SPAG9: variants seen among roughly 807,000 people sequenced by gnomAD.
SPAG9 encodes the protein C-Jun-amino-terminal kinase-interacting protein 4.
SPAG9 carries 35 observed loss-of-function variants against 166.5 expected under a neutral mutation model. The observed-to-expected ratio is 0.21, with a 90% CI of 0.16 to 0.28. The LOEUF is 0.28. Among genes scored for constraint, SPAG9 ranks in the 10% least tolerant of loss-of-function variants. The pLI, the probability that SPAG9 is intolerant of heterozygous loss-of-function variation, is 1.00. For synonymous variants in SPAG9, 534 were observed against 565.5 expected (o/e 0.94, Z 0.79); for missense variants, 1,235 against 1,603.3 (o/e 0.77, Z 3.92).
At chr17:50,986,235 G>T (rs565958037) in intron 22 of SPAG9, among the ~76,000 whole-genome samples, 65 of 152,260 alleles carry the variant, frequency 4.3e-4, no homozygotes, top group African/African-American at 1.2e-3. Flanking sequence ...AGTGTGTGTG[G>T]GGGGGAAATC....
intron 24 of SPAG9, 62 bp downstream of exon 24, chr17:50,984,861 A>G (rs1298604325): frequency 1.6e-6 from 2 of 1,254,474 alleles, no homozygotes; most frequent in African/African-American, 1.5e-5. Flanking sequence ...AAACCAATCT[A>G]CTTAAAAATG....
intron 18 of SPAG9, 33 bp from the exon 19 acceptor site, chr17:50,993,968 C>A (rs1360223160): frequency 1.3e-6 from 2 of 1,577,706 alleles, no homozygotes; most frequent in African/African-American, 2.7e-5. Context: ...ATGTTTAAAA[C>A]AATATGTATG....
At chr17:51,055,210 G>A (rs913023588) in intron 3 of SPAG9, among the ~76,000 whole-genome samples, 3 of 152,080 alleles carry the variant, frequency 2.0e-5, no homozygotes, top group African/African-American at 4.8e-5. Context: ...AAAGTTAGCC[G>A]GGTATGGTGG....
chr17:50,994,488 C>T (rs907115612), intron 18 of SPAG9, among the ~76,000 whole-genome samples: 33 of 152,104 alleles, frequency 2.2e-4, no homozygotes, highest in Non-Finnish European at 1.2e-4. Flanking sequence ...CAGTGGCTCA[C>T]GTCTGTAATC....
rs75188155 is a variant in SPAG9, at chr17:51,056,367, C to A, written c.495+45G>T. The stretch of plus-strand genomic sequence containing the variant: ...AAGACATATTTTCTAAGGTTCATTT[C>A]TTTGTCTCAATAATAGCATGGTAAT... On this transcript the variant is annotated intron_variant, in intron 3 of 29. Coordinates refer to ENST00000262013, the MANE Select transcript of SPAG9 (RefSeq NM_001130528.3). 2,188 of 1,094,076 alleles carry A rather than the reference C, an allele frequency of 2.0e-3. 21 individuals carry two copies. The African/African-American group carries it at 0.031, about 16-fold the overall frequency. 67.8% of individuals were successfully genotyped at this position (1,094,076 alleles called of 1,614,324 possible). A position where few individuals can be genotyped will look rare whatever the true frequency, so the allele number is the denominator to read the frequency against.
chr17:51,082,679 A>G (rs781624399), intron 1 of SPAG9, among the ~76,000 whole-genome samples: 5 of 152,234 alleles, frequency 3.3e-5, no homozygotes, highest in Non-Finnish European at 5.9e-5. Context: ...AAACCCTTAT[A>G]GAAAAATTTA....
intron 28 of SPAG9, among the ~76,000 whole-genome samples, chr17:50,974,046 G>A (rs543480591): frequency 5.3e-5 from 8 of 152,202 alleles, no homozygotes; most frequent in African/African-American, 1.7e-4. Context: ...TCTGAACTTC[G>A]TCTAGCTCCT....
At position 50,981,511 on chromosome 17, in the gene SPAG9, TAGATAGATAGATAGATAGA is replaced by T. The variant is rs1221122164; in HGVS notation, c.3237+994_3237+1012del. 7.7e-3 allele frequency among the ~76,000 whole-genome samples: 1,158 copies of T among 150,608 alleles called. 5 individuals carry two copies. Among genetic ancestry groups the T allele is most frequent in the Non-Finnish European group, 0.013 (877 of 67,716 alleles). ...ATAGATAGATAGATAGATAGATAGA[TAGATAGATAGATAGATAGA>T]AAGAAAGAAAGAAAGAATAGATAGA... On this transcript the variant is annotated intron_variant, in intron 25 of 29. Coordinates refer to ENST00000262013, the MANE Select transcript of SPAG9 (RefSeq NM_001130528.3).
Position 51,014,278 on chromosome 17 carries a change from A to G in SPAG9, c.1167T>C (p.Ala389=), listed in dbSNP as rs1417097998. ...TESLFEELSS[A]GSGLIGDVDE... Reference sequence around the variant, plus strand: ...CCACATCTCCTATTAGGCCTGAGCCAGCTGAAGACAGTTCTTCAAAGAGAG... The same window carrying G: ...CCACATCTCCTATTAGGCCTGAGCCGGCTGAAGACAGTTCTTCAAAGAGAG... Residue 389 remains alanine (A), a synonymous_variant, in exon 9 of 30, where the codon GCT becomes GCC. Coordinates refer to ENST00000262013, the MANE Select transcript of SPAG9 (RefSeq NM_001130528.3). The G allele has an allele frequency of 6.2e-7, 1 of 1,613,416 alleles. No homozygotes were observed. The highest frequency in any genetic ancestry group is 2.2e-5 in the East Asian group (1 of 44,864).
chr17:51,087,894 C>G (rs1439202530), intron 1 of SPAG9, among the ~76,000 whole-genome samples: 6 of 152,022 alleles, frequency 3.9e-5, no homozygotes, highest in Non-Finnish European at 1.5e-5. Context: ...TGCCACTATA[C>G]CCAGCTAAAT....
chr17:51,018,602 G>C (rs1339193814), intron 8 of SPAG9, among the ~76,000 whole-genome samples: 2 of 152,058 alleles, frequency 1.3e-5, no homozygotes, highest in African/African-American at 4.8e-5. Flanking sequence ...ATCACCTTCT[G>C]AACCCACCCA....
chr17:51,002,668 G>A (rs898323661), intron 12 of SPAG9, among the ~76,000 whole-genome samples: 4 of 151,804 alleles, frequency 2.6e-5, no homozygotes, highest in African/African-American at 9.7e-5. Context: ...TGAGGTAGGA[G>A]GATTGCTTCA....
At chr17:51,043,324 T>C (rs1355054226) in intron 4 of SPAG9, among the ~76,000 whole-genome samples, 3 of 152,180 alleles carry the variant, frequency 2.0e-5, no homozygotes, top group African/African-American at 7.2e-5. Flanking sequence ...AGCAACAAAG[T>C]TTTTATAATA....
Position 51,046,925 on chromosome 17 carries a change from T to C in SPAG9, c.590+450A>G, listed in dbSNP as rs1287010146. ...GCCTATTAACTATTTTCCCCTCCAC[T>C]AAGAGTCCTGGCTTAGCTCATTGGC... On this transcript the variant is annotated intron_variant, in intron 4 of 29. Coordinates refer to ENST00000262013, the MANE Select transcript of SPAG9 (RefSeq NM_001130528.3). The C allele has an allele frequency of 2.0e-6, 3 of 1,484,530 alleles. No homozygotes were observed. The African/African-American group carries it at 4.2e-5, about 21-fold the overall frequency. The allele number at this position is 1,484,530 out of a possible 1,614,324, so 92.0% of individuals were successfully genotyped here.
At chr17:51,005,415 C>A in intron 11 of SPAG9, 152 bp from the exon 12 acceptor site, 1 of 652,344 alleles carries the variant, frequency 1.5e-6, no homozygotes, top group Admixed American at 2.7e-5. Flanking sequence ...GGTGGAGTAT[C>A]ATCATATCAT....
In SPAG9 at chr17:51,072,959, AG is replaced by A. The variant is rs564440149; in HGVS notation, c.424+6624del. Among the ~76,000 whole-genome samples the A allele has an allele frequency of 4.1e-4, 63 of 152,258 alleles. 1 individual carries two copies. The South Asian group carries it at 0.013, about 31-fold the overall frequency. On this transcript the variant is annotated intron_variant, in intron 2 of 29. Coordinates refer to ENST00000262013, the MANE Select transcript of SPAG9 (RefSeq NM_001130528.3). ...GTAATTCTAACATGAGAGAGATCAAAGCAAGCAGATTGTTGAGCCTAGGAGT... is the reference window on the plus strand; with the variant it reads ...GTAATTCTAACATGAGAGAGATCAAACAAGCAGATTGTTGAGCCTAGGAGT...
At chr17:51,023,247 A>G (rs2144205145) in intron 6 of SPAG9, 1 of 148,058 alleles carries the variant, frequency 6.8e-6, no homozygotes, top group African/African-American at 2.4e-5. Context: ...TATAACTATT[A>G]TAATAGTAAC....
At chr17:51,073,019 G>A (rs1027376807) in intron 2 of SPAG9, among the ~76,000 whole-genome samples, 1 of 151,944 alleles carries the variant, frequency 6.6e-6, no homozygotes, top group African/African-American at 2.4e-5. Flanking sequence ...GCAAAACCCT[G>A]GCTCTACAAA....
chr17:51,074,760 A>G (rs1309987870), intron 2 of SPAG9, among the ~76,000 whole-genome samples: 1 of 152,160 alleles, frequency 6.6e-6, no homozygotes, highest in Non-Finnish European at 1.5e-5. Flanking sequence ...ATGCTTTTGG[A>G]GAGAGGAATG....
Sources: gnomAD v4.1 joint callset for allele counts (sites outside exome capture counted in the v4.1 genomes callset) on GRCh38, gnomAD v4.1.1 for gene constraint, MANE v1.5 for transcripts, NCBI Gene and HGNC (gene_info 2026-07-23, HGNC 2026-07-21) for gene names.